LIN7A: variants seen among roughly 807,000 people sequenced by gnomAD.
The protein encoded by LIN7A is protein lin-7 homolog A.
A neutral mutation model predicts 29.8 loss-of-function variants in LIN7A; 25 were observed. That is an observed-to-expected ratio of 0.84 (90% CI 0.61 to 1.17). The LOEUF is 1.17. Ranked by LOEUF, LIN7A falls within the 50% of genes most tolerant of loss-of-function variation. The pLI is 0.00. For missense variants in LIN7A, 239 were observed against 287.0 expected (o/e 0.83, Z 1.21); for synonymous variants, 118 against 107.5 (o/e 1.10, Z -0.60).
rs1371644949 is a variant in LIN7A, at chr12:80,889,333, T to C, written c.119A>G (p.Gln40Arg). 1 of 1,612,380 alleles carries C rather than the reference T, an allele frequency of 6.2e-7. No homozygotes were observed. Among genetic ancestry groups the C allele is most frequent in the Admixed American group, 1.7e-5 (1 of 59,848 alleles). ...GTGCACTGGTACTTCTCCAGATTCCTGTAGTTTTTCCAGTAATTCAATTGC... is the reference window on the plus strand; with the variant it reads ...GTGCACTGGTACTTCTCCAGATTCCCGTAGTTTTTCCAGTAATTCAATTGC... ...ARAIELLEKL[Q>R]ESGEVPVHKL... Residue 40 changes from glutamine to arginine, a missense_variant, in exon 2 of 6, where the codon CAG becomes CGG. Physicochemically the swap from Gln to Arg is conservative, Grantham distance 43 (BLOSUM62 1). Transcript: ENST00000552864.
At chr12:80,859,042 A>C (rs1317730826) in intron 2 of LIN7A, among the ~76,000 whole-genome samples, 1 of 152,166 alleles carries the variant, frequency 6.6e-6, no homozygotes, top group Non-Finnish European at 1.5e-5. Flanking sequence ...ATTATAGCTA[A>C]TAATAAGGTT....
intron 2 of LIN7A, among the ~76,000 whole-genome samples, chr12:80,881,772 T>A (rs552738548): frequency 6.6e-6 from 1 of 152,262 alleles, no homozygotes; most frequent in East Asian, 1.9e-4. Context: ...CTGCTGTTGT[T>A]ATATAGGAAG....
chr12:80,836,713 C>T (rs1247140814), intron 4 of LIN7A, among the ~76,000 whole-genome samples: 2 of 151,978 alleles, frequency 1.3e-5, no homozygotes, highest in African/African-American at 4.8e-5. Context: ...TCTCTTGTTC[C>T]ATTACATGGC....
intron 1 of LIN7A, among the ~76,000 whole-genome samples, chr12:80,899,074 G>A (rs1484735913): frequency 1.3e-5 from 2 of 152,132 alleles, no homozygotes; most frequent in African/African-American, 4.8e-5. Flanking sequence ...CAAGAGGAAT[G>A]CTTCCAGCTT....
intron 4 of LIN7A, among the ~76,000 whole-genome samples, chr12:80,835,007 A>G (rs1872542784): frequency 6.6e-6 from 1 of 152,178 alleles, no homozygotes; most frequent in Non-Finnish European, 1.5e-5. Context: ...CTAATGTTTA[A>G]AGCAATCACT....
At chr12:80,883,287 T>C (rs558193766) in intron 2 of LIN7A, among the ~76,000 whole-genome samples, 15 of 152,300 alleles carry the variant, frequency 9.8e-5, no homozygotes, top group South Asian at 4.2e-4. Context: ...CAACCAAGCA[T>C]TGACTCTCTC....
At chr12:80,893,459 A>T (rs1213855881) in intron 1 of LIN7A, among the ~76,000 whole-genome samples, 1 of 152,200 alleles carries the variant, frequency 6.6e-6, no homozygotes, top group Admixed American at 6.6e-5. Flanking sequence ...ATATTGTTCA[A>T]AAAAGAGCCA....
chr12:80,799,301 A>G (rs900121797), intron 5 of LIN7A, among the ~76,000 whole-genome samples: 1 of 151,976 alleles, frequency 6.6e-6, no homozygotes, highest in African/African-American at 2.4e-5. Flanking sequence ...CTTCTTTTCC[A>G]TATTAGTGTG....
intron 1 of LIN7A, among the ~76,000 whole-genome samples, chr12:80,905,801 G>T (rs950222481): frequency 6.6e-6 from 1 of 151,720 alleles, no homozygotes; most frequent in Non-Finnish European, 1.5e-5. Context: ...CTGTATTTTT[G>T]TGTTAACTTT....
intron 4 of LIN7A, among the ~76,000 whole-genome samples, chr12:80,820,872 C>T (rs1315918086): frequency 6.6e-6 from 1 of 152,140 alleles, no homozygotes; most frequent in Non-Finnish European, 1.5e-5. Flanking sequence ...CCATGCTCTC[C>T]CAACCCATGA....
chr12:80,881,072 A>T (rs1476043165), intron 2 of LIN7A, among the ~76,000 whole-genome samples: 1 of 152,234 alleles, frequency 6.6e-6, no homozygotes, highest in Non-Finnish European at 1.5e-5. Flanking sequence ...GTTTCTTTTG[A>T]TTGGAAACAT....
Position 80,937,730 on chromosome 12 carries a change from C to T in LIN7A, c.-8G>A, listed in dbSNP as rs758774178. 6.2e-6 allele frequency: 9 copies of T among 1,440,048 alleles called. No individual in the cohort carries two copies. Among genetic ancestry groups the T allele is most frequent in the Non-Finnish European group, 8.3e-6 (9 of 1,077,846 alleles). 89.2% of individuals were successfully genotyped at this position (1,440,048 alleles called of 1,614,324 possible). ...GACGCTCGGCTTCAGCATCAGCAAC[C>T]GCTCGTAGTGAGAAAAAAAGGAGGA... is the stretch of plus-strand genomic sequence containing the variant. On this transcript the variant is annotated 5_prime_UTR_variant, in exon 1 of 6. Coordinates refer to ENST00000552864, the MANE Select transcript of LIN7A (RefSeq NM_004664.4).
intron 1 of LIN7A, among the ~76,000 whole-genome samples, chr12:80,898,404 G>A (rs1161068940): frequency 6.6e-6 from 1 of 152,128 alleles, no homozygotes; most frequent in Admixed American, 6.5e-5. Context: ...TAGGAACTGT[G>A]ATGCCTCCAG....
At chr12:80,867,665 T>C (rs1267602317) in intron 2 of LIN7A, among the ~76,000 whole-genome samples, 1 of 152,182 alleles carries the variant, frequency 6.6e-6, no homozygotes, top group Non-Finnish European at 1.5e-5. Flanking sequence ...TCCATAATAA[T>C]GAGACATCAT....
At chr12:80,917,120 G>T (rs1433399545) in intron 1 of LIN7A, among the ~76,000 whole-genome samples, 2 of 152,152 alleles carry the variant, frequency 1.3e-5, no homozygotes, top group African/African-American at 4.8e-5. Flanking sequence ...GGTAGAGACT[G>T]AATGAAGCTC....
intron 2 of LIN7A, among the ~76,000 whole-genome samples, chr12:80,884,662 G>A (rs943142212): frequency 3.9e-5 from 6 of 152,180 alleles, no homozygotes; most frequent in Non-Finnish European, 8.8e-5. Context: ...GCACAAAGAA[G>A]TAGAGAACTG....
At chr12:80,894,939 A>G (rs1203674523) in intron 1 of LIN7A, among the ~76,000 whole-genome samples, 2 of 152,188 alleles carry the variant, frequency 1.3e-5, no homozygotes, top group East Asian at 3.8e-4. Flanking sequence ...TATACACCTA[A>G]CAAATGGAGA....
intron 2 of LIN7A, among the ~76,000 whole-genome samples, chr12:80,873,985 G>C (rs537000734): frequency 1.3e-5 from 2 of 152,090 alleles, no homozygotes; most frequent in East Asian, 3.9e-4. Flanking sequence ...TAGGGAATAG[G>C]CAGCAAAGTA....
intron 2 of LIN7A, among the ~76,000 whole-genome samples, chr12:80,879,356 T>C (rs1874898232): frequency 6.6e-6 from 1 of 152,168 alleles, no homozygotes; most frequent in African/African-American, 2.4e-5. Context: ...CACTCATGTG[T>C]GTAAATGTTC....
Sources: allele counts gnomAD v4.1 joint callset (sites outside exome capture counted in the v4.1 genomes callset), GRCh38; gene constraint gnomAD v4.1.1; transcripts MANE v1.5; gene names NCBI Gene and HGNC (gene_info 2026-07-23, HGNC 2026-07-21).